The following AGAP1 variants were observed in gnomAD, a reference collection of about 807,000 sequenced individuals.
AGAP1 encodes the protein ArfGAP with GTPase domain, ankyrin repeat and PH domain 1.
Under a neutral mutation model 105.3 loss-of-function variants are expected in AGAP1, and 29 were observed. That is an observed-to-expected ratio of 0.28 (90% confidence interval 0.21 to 0.38). The LOEUF (loss-of-function observed/expected upper bound fraction) is 0.38, where lower values mean the gene tolerates loss of function less well. Ranked by LOEUF, AGAP1 falls within the 10% of genes least tolerant of loss-of-function variation. The pLI is 1.00. For missense variants in AGAP1, 998 were observed against 1,165.1 expected, an observed-to-expected ratio of 0.86 and a Z score of 2.09; for synonymous variants, 509 against 485.9, an observed-to-expected ratio of 1.05 and a Z score of -0.63.
At chr2:235,516,863 C>T (rs1368471261) in intron 1 of AGAP1, among the ~76,000 whole-genome samples, 6 of 152,208 alleles carry the variant, frequency 3.9e-5, no homozygotes, top group Non-Finnish European at 7.3e-5. Flanking sequence ...TGGGACTGAA[C>T]TTTCTTCTTT....
chr2:235,673,780 T>TA (rs1406944342), intron 1 of AGAP1, among the ~76,000 whole-genome samples: 3 of 152,208 alleles, frequency 2.0e-5, no homozygotes, highest in Non-Finnish European at 4.4e-5. Context: ...TCCTTGAAAA[T>TA]ATAAAGGAAA....
chr2:235,778,030 C>A (rs1453433221), intron 6 of AGAP1, among the ~76,000 whole-genome samples: 1 of 152,136 alleles, frequency 6.6e-6, no homozygotes, highest in Non-Finnish European at 1.5e-5. Context: ...TTCACCGAGG[C>A]ACTCACATTT....
intron 6 of AGAP1, chr2:235,774,124 C>G (rs11898040): frequency 0.014 from 5,496 of 392,832 alleles, 274 homozygotes; most frequent in African/African-American, 0.1. Flanking sequence ...TAGGAGAAAA[C>G]TATTTGTAGA....
rs928615563 is a variant in AGAP1, at chr2:235,733,839, TAAAA to T, written c.311-7117_311-7114del. Among the ~76,000 whole-genome samples, 5 of 149,324 alleles carry T rather than the reference TAAAA, an allele frequency of 3.3e-5. No homozygotes were observed. The highest frequency in any genetic ancestry group is 4.9e-5 in the African/African-American group (2 of 40,784). On this transcript the variant is annotated intron_variant, in intron 3 of 17. Coordinates refer to ENST00000304032, the MANE Select transcript of AGAP1 (RefSeq NM_001037131.3). This position sits in a 1 kb window ranked among gnomAD's most constrained non-coding sequence, Gnocchi z 5.0. The stretch of plus-strand genomic sequence containing the variant: ...TTACTTTGTATTTTACAATGTAAAT[TAAAA>T]AAAAAAGTTGGGAGAGGAAGTGAAA...
chr2:235,661,712 G>A (rs1056405714), intron 1 of AGAP1, among the ~76,000 whole-genome samples: 13 of 152,220 alleles, frequency 8.5e-5, no homozygotes, highest in Non-Finnish European at 1.5e-4. Context: ...TGTAGACCGT[G>A]CTTGGAGAAC....
In AGAP1 at chr2:236,046,599, C is replaced by G. The variant is rs2057723896; in HGVS notation, c.1892-2460C>G. Reference sequence around the variant, plus strand: ...GAGTGGATGTTGACTAGGAGATTCTCCCAACTGAAATGTACGTGGTCGTTG... The same window carrying G: ...GAGTGGATGTTGACTAGGAGATTCTGCCAACTGAAATGTACGTGGTCGTTG... On this transcript the variant is annotated intron_variant, in intron 15 of 17. Transcript: ENST00000304032. The surrounding 1 kb of genome is among the most constrained non-coding windows in gnomAD (Gnocchi z 5.2). Among the ~76,000 whole-genome samples, 1 of 152,096 alleles carries G rather than the reference C, an allele frequency of 6.6e-6. No individual in the cohort carries two copies. Among genetic ancestry groups the G allele is most frequent in the Non-Finnish European group, 1.5e-5 (1 of 68,026 alleles).
intron 16 of AGAP1, among the ~76,000 whole-genome samples, chr2:236,059,314 C>T (rs1337409498): frequency 2.6e-5 from 4 of 152,020 alleles, no homozygotes; most frequent in South Asian, 2.1e-4. Context: ...AAAGCATCAT[C>T]GAAAGAAATT....
chr2:235,521,173 T>C (rs1006132965), intron 1 of AGAP1, among the ~76,000 whole-genome samples: 2 of 152,210 alleles, frequency 1.3e-5, no homozygotes, highest in Non-Finnish European at 2.9e-5. Flanking sequence ...TGCAAATTGC[T>C]TTTCCTCTTT....
chr2:235,564,506 AG>A (rs1203780640), intron 1 of AGAP1, among the ~76,000 whole-genome samples: 1 of 152,212 alleles, frequency 6.6e-6, no homozygotes, highest in Non-Finnish European at 1.5e-5. Context: ...CCTAAATTTA[AG>A]GTTCTTCCAC....
rs1012275558 is a variant in AGAP1 at position 236,040,123 on chromosome 2, T to TAATA, written c.1801-613_1801-610dup. Among the ~76,000 whole-genome samples, 5 of 151,782 alleles carry TAATA rather than the reference T, an allele frequency of 3.3e-5. No homozygotes were observed. The highest frequency in any genetic ancestry group is 1.9e-4 in the East Asian group (1 of 5,176). On this transcript the variant is annotated intron_variant, in intron 14 of 17. Transcript: ENST00000304032. The surrounding 1 kb of genome is among the most constrained non-coding windows in gnomAD (Gnocchi z 5.6). ...GAGACACTGGCTCAAAAAATAATAA[T>TAATA]AATAAATAAATAAATAAAAATAAAG...
At chr2:235,762,897 T>A (rs778316643) in intron 6 of AGAP1, among the ~76,000 whole-genome samples, 1 of 152,048 alleles carries the variant, frequency 6.6e-6, no homozygotes, top group Non-Finnish European at 1.5e-5. Context: ...GAAAGATAGA[T>A]TGTAAAACCT....
chr2:235,754,047 A>G lies in AGAP1; in HGVS notation c.673+3559A>G, dbSNP rs993748602. 2.0e-5 allele frequency among the ~76,000 whole-genome samples: 3 copies of G among 152,202 alleles called. No homozygotes were observed. Among genetic ancestry groups the G allele is most frequent in the African/African-American group, 7.2e-5 (3 of 41,460 alleles). On this transcript the variant is annotated intron_variant, in intron 6 of 17. Transcript: ENST00000304032. This position sits in a 1 kb window ranked among gnomAD's most constrained non-coding sequence, Gnocchi z 4.6. ...GTAAGGTTTATATAAAGTTGAAGAA[A>G]TTGAGGCTCAGAGAAATGACATAGC... is the stretch of plus-strand genomic sequence containing the variant.
Position 236,087,398 on chromosome 2 carries a change from G to A in AGAP1, c.2115-32794G>A, listed in dbSNP as rs990188851. ...CCCTGCTCCAAGGACAGACAACCTCGTCTTGCAGGATCATTTACCTTTTAT... is the reference window on the plus strand; with the variant it reads ...CCCTGCTCCAAGGACAGACAACCTCATCTTGCAGGATCATTTACCTTTTAT... On this transcript the variant is annotated intron_variant, in intron 16 of 17. Transcript: ENST00000304032. The surrounding 1 kb of genome is among the most constrained non-coding windows in gnomAD (Gnocchi z 5.7). Among the ~76,000 whole-genome samples the A allele has an allele frequency of 1.3e-5, 2 of 152,152 alleles. No homozygotes were observed. Among genetic ancestry groups the A allele is most frequent in the African/African-American group, 4.8e-5 (2 of 41,434 alleles).
At position 235,844,517 on chromosome 2, in the gene AGAP1, G is replaced by A. The variant is rs183257770; in HGVS notation, c.1050+37186G>A. ...TGCACTTTTGGGGGCTGATGAAAAT[G>A]CTTCTGCAGACTAGAAATAGTCCCC... On this transcript the variant is annotated intron_variant, in intron 9 of 17. Coordinates refer to ENST00000304032, the MANE Select transcript of AGAP1 (RefSeq NM_001037131.3). Among the ~76,000 whole-genome samples the A allele has an allele frequency of 1.6e-3, 245 of 152,302 alleles. 3 individuals are homozygous for A. The highest frequency in any genetic ancestry group is 5.5e-3 in the African/African-American group (230 of 41,568).
At chr2:235,743,071 G>A (rs1952683332) in intron 4 of AGAP1, among the ~76,000 whole-genome samples, 1 of 152,212 alleles carries the variant, frequency 6.6e-6, no homozygotes, top group African/African-American at 2.4e-5. Context: ...GGAGGCTGAG[G>A]CAGCAGAATC....
At chr2:235,980,136 G>A (rs2055029657) in intron 13 of AGAP1, among the ~76,000 whole-genome samples, 4 of 152,192 alleles carry the variant, frequency 2.6e-5, no homozygotes, top group Admixed American at 2.6e-4. Flanking sequence ...GTGTAATCAA[G>A]TGGCGCTGAA....
intron 1 of AGAP1, among the ~76,000 whole-genome samples, chr2:235,567,356 C>A (rs945337145): frequency 1.8e-4 from 28 of 152,170 alleles, no homozygotes; most frequent in Admixed American, 1.7e-3. Context: ...GCCTTCCCTT[C>A]CAGAGCCCCA....
intron 1 of AGAP1, among the ~76,000 whole-genome samples, chr2:235,628,238 C>G (rs1946707050): frequency 6.6e-6 from 1 of 152,182 alleles, no homozygotes; most frequent in African/African-American, 2.4e-5. Context: ...GCCTACAGTC[C>G]TTTCAGAGAC....
chr2:235,534,180 G>A (rs533688065), intron 1 of AGAP1, among the ~76,000 whole-genome samples: 1 of 152,202 alleles, frequency 6.6e-6, no homozygotes, highest in Non-Finnish European at 1.5e-5. Context: ...TGCCGACCCC[G>A]GTGGCTCAGG....
Sources: gnomAD v4.1 joint callset for allele counts (sites outside exome capture counted in the v4.1 genomes callset) on GRCh38, gnomAD v4.1.1 for gene constraint, Gnocchi (gnomAD v3.1) non-coding constraint, MANE v1.5 for transcripts, NCBI Gene and HGNC (gene_info 2026-07-23, HGNC 2026-07-21) for gene names.